Variants in KIAA1549 observed in about 807,000 individuals in gnomAD.
KIAA1549 encodes KIAA1549.
Under a neutral mutation model 156.4 loss-of-function variants are expected in KIAA1549, and 70 were observed. The observed-to-expected ratio is 0.45, with a 90% confidence interval of 0.37 to 0.55. The LOEUF is 0.55. Ranked by LOEUF, KIAA1549 falls within the 20% of genes least tolerant of loss-of-function variation. The pLI, the probability that KIAA1549 is intolerant of heterozygous loss-of-function variation, is 0.00. For missense variants in KIAA1549, 2,428 were observed against 2,540.9 expected, an observed-to-expected ratio of 0.96 and a Z score of 0.96; for synonymous variants, 1,103 against 1,066.4, an observed-to-expected ratio of 1.03 and a Z score of -0.67.
chr7:138,927,866 T>C (rs1812765318), intron 1 of KIAA1549, among the ~76,000 whole-genome samples: 2 of 152,108 alleles, frequency 1.3e-5, no homozygotes, highest in African/African-American at 4.8e-5. Flanking sequence ...TTAAAATAGA[T>C]GGATCACCTT....
rs541469040 is a variant in KIAA1549, at chr7:138,835,126, G to C, written c.*2780C>G. ...TAAACGGACTCCAAAGCCACACGCT[G>C]TCAACGCAAGGACCCTTCCTTTCAG... On this transcript the variant is annotated 3_prime_UTR_variant, in exon 20 of 20. Transcript: ENST00000422774. The C allele has an allele frequency of 4.5e-6, 1 of 223,468 alleles. No homozygotes were observed. Among genetic ancestry groups the C allele is most frequent in the South Asian group, 1.8e-4 (1 of 5,432 alleles). 13.8% of individuals were successfully genotyped at this position (223,468 alleles called of 1,614,324 possible).
chr7:138,939,034 A>C (rs909997201), intron 1 of KIAA1549, among the ~76,000 whole-genome samples: 3 of 152,220 alleles, frequency 2.0e-5, no homozygotes, highest in Non-Finnish European at 2.9e-5. Context: ...TAATTAATTA[A>C]ACTTTTTATT....
At chr7:138,888,482 T>G (rs1380160771) in intron 10 of KIAA1549, among the ~76,000 whole-genome samples, 3 of 152,266 alleles carry the variant, frequency 2.0e-5, no homozygotes, top group Non-Finnish European at 4.4e-5. Context: ...GTTGTCCCTG[T>G]GTACTTACTG....
At chr7:138,964,649 G>C (rs1813960079) in intron 1 of KIAA1549, among the ~76,000 whole-genome samples, 1 of 152,146 alleles carries the variant, frequency 6.6e-6, no homozygotes, top group African/African-American at 2.4e-5. Flanking sequence ...AAATGCCAAT[G>C]AACAATCAGA....
chr7:138,846,483 G>A (rs1810077148), intron 17 of KIAA1549, among the ~76,000 whole-genome samples: 1 of 145,648 alleles, frequency 6.9e-6, no homozygotes, highest in East Asian at 2.0e-4. Flanking sequence ...GCGGTGAGCG[G>A]AGATCATGCC....
At chr7:138,908,852 G>T in intron 5 of KIAA1549, 139 bp downstream of exon 5, 1 of 1,002,206 alleles carries the variant, frequency 1.0e-6, no homozygotes, top group Non-Finnish European at 1.4e-6. Flanking sequence ...TTACGCCACA[G>T]GAATAGATCA....
intron 1 of KIAA1549, among the ~76,000 whole-genome samples, chr7:138,922,917 T>C (rs149844950): frequency 5.3e-4 from 81 of 151,532 alleles, no homozygotes; most frequent in Non-Finnish European, 1.1e-3. Context: ...AAACGAACCA[T>C]GCAATTCAGA....
At chr7:138,952,154 G>A (rs1234938278) in intron 1 of KIAA1549, among the ~76,000 whole-genome samples, 1 of 152,166 alleles carries the variant, frequency 6.6e-6, no homozygotes, top group Non-Finnish European at 1.5e-5. Context: ...ACCCACAGAG[G>A]TTCTGACTCA....
At chr7:138,961,545 C>T (rs1172038667) in intron 1 of KIAA1549, among the ~76,000 whole-genome samples, 1 of 152,186 alleles carries the variant, frequency 6.6e-6, no homozygotes, top group Non-Finnish European at 1.5e-5. Flanking sequence ...GCCTGGCCCA[C>T]TCAACAATCC....
chr7:138,926,562 G>A (rs1430881128), intron 1 of KIAA1549, among the ~76,000 whole-genome samples: 1 of 152,162 alleles, frequency 6.6e-6, no homozygotes, highest in Non-Finnish European at 1.5e-5. Context: ...TGGGATTACA[G>A]GCATGAGCCA....
intron 8 of KIAA1549, among the ~76,000 whole-genome samples, chr7:138,902,321 T>C (rs1485589083): frequency 6.6e-6 from 1 of 152,124 alleles, no homozygotes; most frequent in Admixed American, 6.5e-5. Context: ...CCACAGCCAA[T>C]GTCATTTGCG....
chr7:138,883,483 T>G (rs1261273788), intron 10 of KIAA1549, among the ~76,000 whole-genome samples: 1 of 151,682 alleles, frequency 6.6e-6, no homozygotes, highest in East Asian at 2.0e-4. Context: ...GGGGGTAATT[T>G]TTTTGGTATT....
intron 1 of KIAA1549, among the ~76,000 whole-genome samples, chr7:138,924,931 C>T (rs1563080516): frequency 6.6e-6 from 1 of 152,194 alleles, no homozygotes; most frequent in African/African-American, 2.4e-5. Flanking sequence ...CAGACTGTGA[C>T]ACCCGCCTGA....
chr7:138,906,660 G>C (rs1016001486), intron 6 of KIAA1549, among the ~76,000 whole-genome samples: 1 of 152,178 alleles, frequency 6.6e-6, no homozygotes. Flanking sequence ...TTGGGGGGAA[G>C]AGTGGCGGGA....
rs149950476 is a variant in KIAA1549, at chr7:138,869,896, C to G, written c.4552-135G>C. 817 of 686,498 alleles carry G rather than the reference C, an allele frequency of 1.2e-3. 21 individuals are homozygous for G. The East Asian group carries it at 0.022, about 19-fold the overall frequency. The allele number at this position is 686,498 out of a possible 1,614,324, so 42.5% of individuals were successfully genotyped here. A position where few individuals can be genotyped will look rare whatever the true frequency, so the allele number is the denominator to read the frequency against. On this transcript the variant is annotated intron_variant, in intron 13 of 19. Coordinates refer to ENST00000422774, the MANE Select transcript of KIAA1549 (RefSeq NM_001164665.2). ...ACAGAGTCTCACTCTGTTGCCCAGGCTGGAGTGCAATGGCATGATCTCAGC... is the reference window on the plus strand; with the variant it reads ...ACAGAGTCTCACTCTGTTGCCCAGGGTGGAGTGCAATGGCATGATCTCAGC...
rs112222953 is a variant in KIAA1549 at position 138,837,181 on chromosome 7, ATTTT to A, written c.*721_*724del. On this transcript the variant is annotated 3_prime_UTR_variant, in exon 20 of 20. Transcript: ENST00000422774. The stretch of plus-strand genomic sequence containing the variant: ...AGCTTTTTGCCCCACTTTGGGAGGG[ATTTT>A]TTTTTTCTAGAACAAAATGAAACCT... 1 of 216,850 alleles carries A rather than the reference ATTTT, an allele frequency of 4.6e-6. No homozygotes were observed. The allele number at this position is 216,850 out of a possible 1,614,324, so 13.4% of individuals were successfully genotyped here.
At chr7:138,878,589 T>C (rs1433861140) in intron 12 of KIAA1549, among the ~76,000 whole-genome samples, 1 of 152,008 alleles carries the variant, frequency 6.6e-6, no homozygotes, top group Non-Finnish European at 1.5e-5. Context: ...GGTGAAACCT[T>C]GTCTCTACAA....
intron 2 of KIAA1549, among the ~76,000 whole-genome samples, chr7:138,914,073 CG>C (rs1563074869): frequency 6.6e-6 from 1 of 151,676 alleles, no homozygotes; most frequent in African/African-American, 2.4e-5. Flanking sequence ...GAGCTAAACT[CG>C]GGGGAAACAG....
chr7:138,930,296 C>T (rs951161120), intron 1 of KIAA1549, among the ~76,000 whole-genome samples: 2 of 152,152 alleles, frequency 1.3e-5, no homozygotes, highest in African/African-American at 2.4e-5. Context: ...TTCTTAAGGG[C>T]CCCAGACTTT....
Sources: gnomAD v4.1 joint callset for allele counts (sites outside exome capture counted in the v4.1 genomes callset) on GRCh38, gnomAD v4.1.1 for gene constraint, MANE v1.5 for transcripts, NCBI Gene and HGNC (gene_info 2026-07-23, HGNC 2026-07-21) for gene names.